The following GRM7 variants were observed in gnomAD, a reference collection of about 807,000 sequenced individuals.
GRM7 encodes the protein glutamate metabotropic receptor 7.
In GRM7, 35 loss-of-function variants were observed where a neutral mutation model predicts 84.5. The ratio of observed to expected loss-of-function variants is 0.41; its 90% CI spans 0.32 to 0.55. GRM7 has a LOEUF of 0.55. GRM7 is among the 20% of genes least tolerant of loss of function. The probability of loss-of-function intolerance (pLI) is 0.19; values close to 1 mark genes in which losing one functional copy is unlikely to be tolerated. For synonymous variants in GRM7, 487 were observed against 455.1 expected (o/e 1.07, Z -0.89); for missense variants, 1,003 against 1,194.6 (o/e 0.84, Z 2.36).
chr3:7,030,456 A>G (rs182545491), intron 1 of GRM7, among the ~76,000 whole-genome samples: 1 of 152,228 alleles, frequency 6.6e-6, no homozygotes, highest in Non-Finnish European at 1.5e-5. Context: ...TGAATTGAAT[A>G]GTTTAAATAT....
At chr3:7,478,221 T>C (rs1698998185) in intron 7 of GRM7, among the ~76,000 whole-genome samples, 1 of 152,174 alleles carries the variant, frequency 6.6e-6, no homozygotes, top group Non-Finnish European at 1.5e-5. Context: ...GTCTTTCTCA[T>C]GCCAACTGGA....
intron 4 of GRM7, among the ~76,000 whole-genome samples, chr3:7,311,232 A>G (rs1700379975): frequency 6.6e-6 from 1 of 152,198 alleles, no homozygotes; most frequent in African/African-American, 2.4e-5. Context: ...AGAATTGAGA[A>G]GAGCTTTGAG....
chr3:7,639,324 A>C (rs1318923466), intron 8 of GRM7, among the ~76,000 whole-genome samples: 1 of 152,144 alleles, frequency 6.6e-6, no homozygotes, highest in African/African-American at 2.4e-5. Context: ...CCGCAAGCAC[A>C]CTTCTCCCTT....
chr3:7,499,472 A>G (rs925225317), intron 7 of GRM7, among the ~76,000 whole-genome samples: 3 of 152,202 alleles, frequency 2.0e-5, no homozygotes, highest in South Asian at 4.1e-4. Flanking sequence ...ATAATGCTTA[A>G]TGATGATAAT....
intron 8 of GRM7, among the ~76,000 whole-genome samples, chr3:7,638,160 G>A (rs780665506): frequency 6.6e-6 from 1 of 151,694 alleles, no homozygotes; most frequent in Non-Finnish European, 1.5e-5. Flanking sequence ...AGTGTTTGAG[G>A]GGAGGGTAAG....
chr3:7,733,767 CT>C (rs1702404659), intron 9 of GRM7, among the ~76,000 whole-genome samples: 1 of 152,154 alleles, frequency 6.6e-6, no homozygotes, highest in Non-Finnish European at 1.5e-5. Context: ...GTGGCCCTGC[CT>C]ACCTTTCCAG....
intron 2 of GRM7, among the ~76,000 whole-genome samples, chr3:7,245,114 A>G (rs1223612794): frequency 1.3e-5 from 2 of 152,060 alleles, no homozygotes; most frequent in African/African-American, 4.8e-5. Flanking sequence ...GTAAACAGAA[A>G]TCTCAACTGA....
At chr3:6,938,948 G>A (rs528984223) in intron 1 of GRM7, among the ~76,000 whole-genome samples, 20 of 152,258 alleles carry the variant, frequency 1.3e-4, no homozygotes, top group Non-Finnish European at 2.8e-4. Flanking sequence ...TTCTTAGTAG[G>A]CATTGTGGCA....
At chr3:7,327,336 G>T (rs1295273629) in intron 4 of GRM7, among the ~76,000 whole-genome samples, 1 of 151,970 alleles carries the variant, frequency 6.6e-6, no homozygotes, top group Non-Finnish European at 1.5e-5. Context: ...CTAAAATATT[G>T]CTGACTCCCC....
At chr3:7,366,935 G>C (rs926311980) in intron 4 of GRM7, among the ~76,000 whole-genome samples, 4 of 150,626 alleles carry the variant, frequency 2.7e-5, no homozygotes, top group Non-Finnish European at 5.9e-5. Flanking sequence ...ACTTTTTAAT[G>C]AATTATTTAA....
intron 4 of GRM7, among the ~76,000 whole-genome samples, chr3:7,339,824 C>T (rs1336518314): frequency 6.6e-6 from 1 of 151,992 alleles, no homozygotes; most frequent in Non-Finnish European, 1.5e-5. Context: ...GTTTCAACTA[C>T]TGCAAAAAAC....
chr3:7,692,824 C>T (rs1429993406), intron 9 of GRM7, among the ~76,000 whole-genome samples: 2 of 152,104 alleles, frequency 1.3e-5, no homozygotes, highest in African/African-American at 4.8e-5. Flanking sequence ...TCTCAGTCTA[C>T]ATCATCCATC....
intron 1 of GRM7, among the ~76,000 whole-genome samples, chr3:6,892,431 A>G (rs1044771327): frequency 2.6e-5 from 4 of 152,138 alleles, no homozygotes; most frequent in African/African-American, 7.2e-5. Flanking sequence ...GCTTCTAGTT[A>G]CTGAAACTTA....
intron 9 of GRM7, among the ~76,000 whole-genome samples, chr3:7,733,396 T>G (rs56392540): frequency 0.048 from 7,259 of 152,264 alleles, 583 homozygotes; most frequent in African/African-American, 0.16. Flanking sequence ...GAGCCAAAGA[T>G]GCCAGGCTCT....
At chr3:7,355,111 T>G (rs1208055102) in intron 4 of GRM7, among the ~76,000 whole-genome samples, 1 of 152,130 alleles carries the variant, frequency 6.6e-6, no homozygotes, top group Non-Finnish European at 1.5e-5. Context: ...AGGCTAAAAA[T>G]CAGGGGTTTT....
At chr3:7,332,383 G>C (rs898508049) in intron 4 of GRM7, among the ~76,000 whole-genome samples, 1 of 152,118 alleles carries the variant, frequency 6.6e-6, no homozygotes. Flanking sequence ...TTTCCATACA[G>C]CTATGATCAA....
chr3:7,478,193 C>T (rs962368367), intron 7 of GRM7, among the ~76,000 whole-genome samples: 1 of 152,026 alleles, frequency 6.6e-6, no homozygotes, highest in African/African-American at 2.4e-5. Context: ...TTTCAGGAAC[C>T]GTGAATTTAC....
Position 7,740,469 on chromosome 3 carries a change from GCA to G in GRM7, c.*64_*65del. ...CTCAGTTATTTTGTCACCCAACCTG[GCA>G]TAGGACTCTTTGGTCCTACCCGCTT... On this transcript the variant is annotated 3_prime_UTR_variant, in exon 10 of 10. Transcript: ENST00000357716. 1 of 952,342 alleles carries G rather than the reference GCA, an allele frequency of 1.1e-6. No individual in the cohort carries two copies. The highest frequency in any genetic ancestry group is 1.6e-6 in the Non-Finnish European group (1 of 623,778). 59.0% of individuals were successfully genotyped at this position (952,342 alleles called of 1,614,324 possible).
chr3:7,451,964 A>T (rs1697786478), intron 5 of GRM7: 1 of 152,744 alleles, frequency 6.5e-6, no homozygotes, highest in African/African-American at 2.4e-5. Flanking sequence ...GGATGAAAGG[A>T]GACATTGAGC....
Sources: gnomAD v4.1 joint callset for allele counts (sites outside exome capture counted in the v4.1 genomes callset) on GRCh38, gnomAD v4.1.1 for gene constraint, MANE v1.5 for transcripts, NCBI Gene and HGNC (gene_info 2026-07-23, HGNC 2026-07-21) for gene names.